The following LTF variants were observed in gnomAD, a reference collection of about 807,000 sequenced individuals.
LTF encodes epididymis luminal protein 110.
LTF carries 91 observed loss-of-function variants against 87.2 expected under a neutral mutation model. That is an observed-to-expected ratio of 1.04 (90% CI 0.88 to 1.24). The LOEUF (loss-of-function observed/expected upper bound fraction) is 1.24. Ranked by LOEUF, LTF falls within the 50% of genes most tolerant of loss-of-function variation. LTF has a pLI of 0.00. For synonymous variants in LTF, 378 were observed against 356.1 expected, an observed-to-expected ratio of 1.06 and a Z score of -0.69; for missense variants, 901 against 904.3, an observed-to-expected ratio of 1.00 and a Z score of 0.05.
chr3:46,435,832 A>C lies in LTF; in HGVS notation c.*363T>G. 1 of 295,200 alleles carries C rather than the reference A, an allele frequency of 3.4e-6. No homozygotes were observed. Among genetic ancestry groups the C allele is most frequent in the Non-Finnish European group, 6.5e-6 (1 of 155,016 alleles). The allele number at this position is 295,200 out of a possible 1,614,324, so 18.3% of individuals were successfully genotyped here. Reference sequence around the variant, plus strand: ...ATAACCAACAAGATCCCCTTAGGAAAACCGGTGCTTGGCCTGGCCTTAAAT... The same window carrying C: ...ATAACCAACAAGATCCCCTTAGGAACACCGGTGCTTGGCCTGGCCTTAAAT... On this transcript the variant is annotated 3_prime_UTR_variant, in exon 17 of 17. Transcript: ENST00000231751.
chr3:46,455,070 C>G (rs1425978934), intron 5 of LTF, among the ~76,000 whole-genome samples: 1 of 152,194 alleles, frequency 6.6e-6, no homozygotes, highest in African/African-American at 2.4e-5. Flanking sequence ...ACAGTGACTG[C>G]CCGTGGGGCT....
intron 5 of LTF, among the ~76,000 whole-genome samples, chr3:46,454,818 C>T (rs969629663): frequency 1.3e-5 from 2 of 151,908 alleles, no homozygotes; most frequent in Admixed American, 6.6e-5. Context: ...AGGATGGGGG[C>T]GAATCAGGCA....
intron 4 of LTF, 148 bp from the exon 5 acceptor site, chr3:46,455,590 T>C: frequency 8.7e-7 from 1 of 1,142,990 alleles, no homozygotes; most frequent in East Asian, 2.6e-5. Context: ...GCTCGAGACA[T>C]GCACCTCTGC....
upstream of LTF, among the ~76,000 whole-genome samples, chr3:46,469,239 C>T (rs1357701868): frequency 6.6e-6 from 1 of 152,258 alleles, no homozygotes; most frequent in Non-Finnish European, 1.5e-5. Context: ...ATCCCTGAGT[C>T]TCCCATTAGG....
chr3:46,479,331 C>G (rs1236177481), intron 1 of LTF, among the ~76,000 whole-genome samples: 1 of 152,186 alleles, frequency 6.6e-6, no homozygotes, highest in Non-Finnish European at 1.5e-5. Flanking sequence ...GGGGAGATTA[C>G]AGGGCCCGGG....
intron 4 of LTF, 75 bp from the exon 5 acceptor site, chr3:46,455,517 G>C (rs1702906875): frequency 5.1e-6 from 8 of 1,567,778 alleles, no homozygotes; most frequent in Non-Finnish European, 6.1e-6. Context: ...CCCATCCTGA[G>C]GTCTCCGTGG....
intron 1 of LTF, among the ~76,000 whole-genome samples, chr3:46,482,974 A>G (rs1261604914): frequency 1.3e-5 from 2 of 152,350 alleles, no homozygotes; most frequent in East Asian, 3.9e-4. Flanking sequence ...CAATAAACCT[A>G]TGAAGCCCTG....
At chr3:46,460,507 C>G (rs1703053904) in intron 1 of LTF, 3 of 448,066 alleles carry the variant, frequency 6.7e-6, no homozygotes, top group Non-Finnish European at 1.3e-5. Context: ...TCTTTTGAGC[C>G]TGCTTTTGTT....
At chr3:46,461,472 T>C (rs1703079100) in intron 1 of LTF, among the ~76,000 whole-genome samples, 1 of 152,202 alleles carries the variant, frequency 6.6e-6, no homozygotes, top group East Asian at 1.9e-4. Flanking sequence ...AAAGAACTAC[T>C]GGCATGCCCC....
intron 13 of LTF, among the ~76,000 whole-genome samples, chr3:46,442,839 G>A (rs1702555198): frequency 6.6e-6 from 1 of 152,168 alleles, no homozygotes; most frequent in Non-Finnish European, 1.5e-5. Flanking sequence ...CTTCACACTG[G>A]TAAATAGTGC....
At chr3:46,458,624 G>T (rs1702999984) in intron 2 of LTF, among the ~76,000 whole-genome samples, 1 of 152,170 alleles carries the variant, frequency 6.6e-6, no homozygotes, top group South Asian at 2.1e-4. Flanking sequence ...GCCCAGGCTG[G>T]AGTGCAATAG....
At chr3:46,478,884 G>A (rs1424246997) in intron 1 of LTF, among the ~76,000 whole-genome samples, 9 of 152,200 alleles carry the variant, frequency 5.9e-5, no homozygotes, top group East Asian at 1.9e-4. Context: ...CAGAGAGGGC[G>A]TGTGGCCTGC....
At chr3:46,441,171 G>GA (rs1702506619) in intron 14 of LTF, among the ~76,000 whole-genome samples, 1 of 96,272 alleles carries the variant, frequency 1.0e-5, no homozygotes. Context: ...GTGTGTGTGA[G>GA]AGTGAGTGTG....
intron 1 of LTF, among the ~76,000 whole-genome samples, chr3:46,478,214 T>C (rs1356937172): frequency 6.6e-6 from 1 of 152,164 alleles, no homozygotes; most frequent in Non-Finnish European, 1.5e-5. Flanking sequence ...CCTGAGACTT[T>C]TCCTAATGGC....
At chr3:46,472,209 A>G (rs1188744449) in intron 1 of LTF, among the ~76,000 whole-genome samples, 10 of 152,070 alleles carry the variant, frequency 6.6e-5, no homozygotes, top group African/African-American at 1.2e-4. Flanking sequence ...GGTGCCTGCC[A>G]TGAGCTGTGG....
intron 5 of LTF, among the ~76,000 whole-genome samples, chr3:46,454,804 A>G (rs746523207): frequency 6.6e-6 from 1 of 152,150 alleles, no homozygotes; most frequent in Non-Finnish European, 1.5e-5. Context: ...GCGTGGGGGC[A>G]GAGAGGATGG....
intron 13 of LTF, chr3:46,441,925 G>A: frequency 1.0e-5 from 1 of 96,340 alleles, no homozygotes; most frequent in East Asian, 4.4e-4. Context: ...GAGAGAGAGA[G>A]AGAGAGAGAG....
At chr3:46,484,492 T>C (rs1351578819) in intron 1 of LTF, among the ~76,000 whole-genome samples, 1 of 152,122 alleles carries the variant, frequency 6.6e-6, no homozygotes, top group East Asian at 1.9e-4. Flanking sequence ...TTAGGGGCTG[T>C]GCTGTCCTCA....
chr3:46,458,423 C>G (rs1257635989), intron 2 of LTF, among the ~76,000 whole-genome samples: 2 of 152,180 alleles, frequency 1.3e-5, no homozygotes, highest in African/African-American at 2.4e-5. Flanking sequence ...CGAGATCAGA[C>G]GCGTTCAGCG....
Sources: gnomAD v4.1 joint callset for allele counts (sites outside exome capture counted in the v4.1 genomes callset) on GRCh38, gnomAD v4.1.1 for gene constraint, MANE v1.5 for transcripts, NCBI Gene and HGNC (gene_info 2026-07-23, HGNC 2026-07-21) for gene names.